Variants in TUSC3 observed in about 807,000 individuals in gnomAD.
TUSC3 encodes the protein dolichyl-diphosphooligosaccharide--protein glycosyltransferase subunit TUSC3.
Under a neutral mutation model 44.8 loss-of-function variants are expected in TUSC3, and 45 were observed. The observed-to-expected ratio is 1.00, with a 90% CI of 0.79 to 1.29. TUSC3 has a LOEUF of 1.29. Among genes scored for constraint, TUSC3 ranks in the 50% most tolerant of loss-of-function variants. The probability of loss-of-function intolerance (pLI) is 0.00; values close to 1 mark genes in which losing one functional copy is unlikely to be tolerated. For missense variants in TUSC3, 519 were observed against 437.9 expected (o/e 1.19, Z -1.65); for synonymous variants, 212 against 152.9 (o/e 1.39, Z -2.85).
At chr8:15,621,813 A>G (rs887473812) in intron 1 of TUSC3, among the ~76,000 whole-genome samples, 1 of 148,828 alleles carries the variant, frequency 6.7e-6, no homozygotes, top group Non-Finnish European at 1.5e-5. Flanking sequence ...ATTAGCTGTG[A>G]TTTTTCTTTT....
intron 6 of TUSC3, among the ~76,000 whole-genome samples, chr8:15,702,412 A>G (rs2129195831): frequency 6.6e-6 from 1 of 152,282 alleles, no homozygotes; most frequent in East Asian, 1.9e-4. Context: ...TATGGAGCTG[A>G]AAACTGTTTC....
chr8:15,831,846 T>A, the TUSC3 span, among the ~76,000 whole-genome samples: 4 of 151,928 alleles, frequency 2.6e-5, no homozygotes, highest in African/African-American at 9.7e-5. Context: ...ATGGAGAGAG[T>A]GTGAGCAACT....
At chr8:15,621,485 T>G (rs530284199) in intron 1 of TUSC3, among the ~76,000 whole-genome samples, 1 of 132,194 alleles carries the variant, frequency 7.6e-6, no homozygotes, top group Non-Finnish European at 1.7e-5. Flanking sequence ...ACTTTGGAAA[T>G]ATATATCTAT....
intron 2 of TUSC3, among the ~76,000 whole-genome samples, chr8:15,625,181 C>T (rs907859271): frequency 1.3e-5 from 2 of 152,090 alleles, no homozygotes; most frequent in East Asian, 3.9e-4. Context: ...GTCTTGCATA[C>T]AGGAATGGAT....
chr8:15,475,637 G>C (rs933758487), intron 1 of TUSC3, among the ~76,000 whole-genome samples: 10 of 152,054 alleles, frequency 6.6e-5, no homozygotes, highest in African/African-American at 2.2e-4. Flanking sequence ...GAATAGTTTG[G>C]GATATATGCC....
intron 1 of TUSC3, among the ~76,000 whole-genome samples, chr8:15,461,001 G>T (rs1800337311): frequency 1.3e-5 from 2 of 152,050 alleles, no homozygotes; most frequent in Admixed American, 1.3e-4. Flanking sequence ...GTTTTGCTTT[G>T]GCTGTGCAGG....
At chr8:15,683,386 G>A (rs1206875350) in intron 6 of TUSC3, among the ~76,000 whole-genome samples, 2 of 152,020 alleles carry the variant, frequency 1.3e-5, no homozygotes, top group African/African-American at 2.4e-5. Flanking sequence ...TGATTTGAAG[G>A]AGTGATGTTC....
chr8:15,505,906 C>G (rs1289881424), intron 2 of TUSC3, among the ~76,000 whole-genome samples: 2 of 152,110 alleles, frequency 1.3e-5, no homozygotes, highest in South Asian at 2.1e-4. Context: ...GGAACATATT[C>G]TTGCCCAATC....
chr8:15,521,970 G>A (rs953100721), intron 2 of TUSC3, among the ~76,000 whole-genome samples: 1 of 152,202 alleles, frequency 6.6e-6, no homozygotes, highest in African/African-American at 2.4e-5. Context: ...ACGAATAGCT[G>A]CTCTTCTAGG....
intron 6 of TUSC3, among the ~76,000 whole-genome samples, chr8:15,716,874 G>T (rs1221131693): frequency 1.3e-5 from 2 of 151,374 alleles, no homozygotes; most frequent in Non-Finnish European, 2.9e-5. Context: ...ACCCTTTTGA[G>T]GACTTTAGTA....
At chr8:15,809,158 G>A in the TUSC3 span, among the ~76,000 whole-genome samples, 1 of 152,134 alleles carries the variant, frequency 6.6e-6, no homozygotes. Context: ...TCAACGGCAG[G>A]AGGAAGATGG....
intron 1 of TUSC3, among the ~76,000 whole-genome samples, chr8:15,434,050 A>C (rs1330511795): frequency 6.6e-6 from 1 of 152,142 alleles, no homozygotes; most frequent in Admixed American, 6.5e-5. Flanking sequence ...CCTCAAGGTG[A>C]CCTTTCCGTT....
At chr8:15,442,777 C>G (rs1424839804) in intron 1 of TUSC3, among the ~76,000 whole-genome samples, 1 of 152,140 alleles carries the variant, frequency 6.6e-6, no homozygotes, top group Non-Finnish European at 1.5e-5. Context: ...TCCTCCTTGA[C>G]CAAACTTTAG....
chr8:15,801,687 G>T, the TUSC3 span, among the ~76,000 whole-genome samples: 1 of 152,144 alleles, frequency 6.6e-6, no homozygotes, highest in African/African-American at 2.4e-5. Context: ...TGTGAGAGCT[G>T]TATGGGGCTG....
At chr8:15,797,696 G>C in the TUSC3 span, among the ~76,000 whole-genome samples, 1 of 152,168 alleles carries the variant, frequency 6.6e-6, no homozygotes, top group Admixed American at 6.5e-5. Flanking sequence ...CCATACATTG[G>C]AGACCTTACC....
chr8:15,505,725 A>G (rs1014078825), intron 2 of TUSC3, among the ~76,000 whole-genome samples: 1 of 152,214 alleles, frequency 6.6e-6, no homozygotes. Flanking sequence ...TGGGAGCACT[A>G]CTTTATAATT....
intron 1 of TUSC3, among the ~76,000 whole-genome samples, chr8:15,418,615 T>C (rs1016768254): frequency 7.2e-5 from 11 of 152,104 alleles, no homozygotes; most frequent in Admixed American, 6.6e-5. Context: ...GAATGTGAAA[T>C]AGGAGGAGAG....
the TUSC3 span, among the ~76,000 whole-genome samples, chr8:15,801,168 A>G: frequency 6.6e-6 from 1 of 152,192 alleles, no homozygotes; most frequent in Non-Finnish European, 1.5e-5. Context: ...TTTAATGGTT[A>G]TTTCTTGATT....
intron 6 of TUSC3, among the ~76,000 whole-genome samples, chr8:15,728,449 G>C (rs1198983720): frequency 6.8e-6 from 1 of 147,772 alleles, no homozygotes; most frequent in East Asian, 2.1e-4. Flanking sequence ...GATTGGATGT[G>C]TGGAGAGGGA....
Sources: allele counts gnomAD v4.1 joint callset (sites outside exome capture counted in the v4.1 genomes callset), GRCh38; gene constraint gnomAD v4.1.1; transcripts MANE v1.5; gene names NCBI Gene and HGNC (gene_info 2026-07-23, HGNC 2026-07-21).